The following KCNMB2 variants were observed in gnomAD, a reference collection of about 807,000 sequenced individuals.
The protein encoded by KCNMB2 is potassium calcium-activated channel subfamily M regulatory beta subunit 2, also known as calcium-activated potassium channel subunit beta-2.
A neutral mutation model predicts 24.5 loss-of-function variants in KCNMB2; 9 were observed. The ratio of observed to expected loss-of-function variants is 0.37; its 90% CI spans 0.22 to 0.64. KCNMB2 has a LOEUF of 0.64. Ranked by LOEUF, KCNMB2 falls within the 30% of genes least tolerant of loss-of-function variation. The pLI, the probability that KCNMB2 is intolerant of heterozygous loss-of-function variation, is 0.63. For synonymous variants in KCNMB2, 109 were observed against 104.4 expected (o/e 1.04, Z -0.27); for missense variants, 226 against 284.3 (o/e 0.79, Z 1.47).
intron 1 of KCNMB2, among the ~76,000 whole-genome samples, chr3:178,721,089 G>C (rs147286830): frequency 6.6e-6 from 1 of 151,942 alleles, no homozygotes; most frequent in Admixed American, 6.6e-5. Context: ...GTTTTCTTCC[G>C]GGGTTTTTAT....
At chr3:178,618,268 A>G (rs922503511) in intron 1 of KCNMB2, among the ~76,000 whole-genome samples, 1 of 152,166 alleles carries the variant, frequency 6.6e-6, no homozygotes, top group African/African-American at 2.4e-5. Context: ...TAACATTTTC[A>G]TTATCATCAT....
chr3:178,745,047 TAATAA>T (rs1199140230), intron 1 of KCNMB2, among the ~76,000 whole-genome samples: 1 of 152,202 alleles, frequency 6.6e-6, no homozygotes. Flanking sequence ...GTGGAGATAT[TAATAA>T]AATAATCCTC....
intron 2 of KCNMB2, among the ~76,000 whole-genome samples, chr3:178,821,777 C>T (rs934356590): frequency 2.2e-4 from 34 of 152,176 alleles, no homozygotes; most frequent in African/African-American, 8.0e-4. Flanking sequence ...TAAACTATAT[C>T]CTTTTTCTTA....
intron 2 of KCNMB2, among the ~76,000 whole-genome samples, chr3:178,817,111 T>C (rs1202012053): frequency 6.6e-6 from 1 of 151,358 alleles, no homozygotes; most frequent in Non-Finnish European, 1.5e-5. Context: ...GTCTTACCCA[T>C]AAGACCTGGG....
intron 2 of KCNMB2, among the ~76,000 whole-genome samples, chr3:178,812,578 C>G (rs1236628617): frequency 6.6e-6 from 1 of 151,984 alleles, no homozygotes; most frequent in African/African-American, 2.4e-5. Context: ...TCCTCCTGCA[C>G]AGTTTTCTAA....
In KCNMB2 at chr3:178,719,552, T is replaced by C. The variant is rs137893206; in HGVS notation, c.-67-87791T>C. ...TCTCCAAGTTTGATTCCTTTTTCTT[T>C]CTTTTTTTGCTTATAAAACCTGGCT... On this transcript the variant is annotated intron_variant, in intron 1 of 4. Transcript: ENST00000452583. Among the ~76,000 whole-genome samples, 706 of 152,340 alleles carry C rather than the reference T, an allele frequency of 4.6e-3. 6 individuals carry two copies. The highest frequency in any genetic ancestry group is 0.016 in the African/African-American group (680 of 41,580).
intron 1 of KCNMB2, among the ~76,000 whole-genome samples, chr3:178,764,328 G>T (rs1712030182): frequency 6.6e-6 from 1 of 151,840 alleles, no homozygotes; most frequent in African/African-American, 2.4e-5. Flanking sequence ...CCTCTTTTTT[G>T]GTCAATGATG....
At chr3:178,652,819 C>T (rs111866551) in intron 1 of KCNMB2, among the ~76,000 whole-genome samples, 9 of 149,098 alleles carry the variant, frequency 6.0e-5, no homozygotes, top group East Asian at 2.0e-4. Context: ...TGTGCCACCA[C>T]GCCTGGCCAT....
chr3:178,720,885 T>C (rs1351299105), intron 1 of KCNMB2, among the ~76,000 whole-genome samples: 1 of 151,970 alleles, frequency 6.6e-6, no homozygotes, highest in African/African-American at 2.4e-5. Context: ...ATATTAGCCC[T>C]TTGTCAGATG....
chr3:178,623,283 A>T (rs1297591455), intron 1 of KCNMB2, among the ~76,000 whole-genome samples: 1 of 152,234 alleles, frequency 6.6e-6, no homozygotes, highest in Admixed American at 6.5e-5. Flanking sequence ...ATTTATATTG[A>T]ATCTCAGTGT....
At chr3:178,773,851 A>T (rs1289880905) in intron 1 of KCNMB2, among the ~76,000 whole-genome samples, 1 of 152,220 alleles carries the variant, frequency 6.6e-6, no homozygotes, top group African/African-American at 2.4e-5. Context: ...ATATTAACTC[A>T]AAGTTGTTTT....
At chr3:178,821,429 T>C (rs73053734) in intron 2 of KCNMB2, among the ~76,000 whole-genome samples, 39,774 of 152,032 alleles carry the variant, frequency 0.26, 7,023 homozygotes, top group African/African-American at 0.51. Context: ...CCTTTACTAC[T>C]TGGACATGCA....
intron 1 of KCNMB2, among the ~76,000 whole-genome samples, chr3:178,617,837 G>C (rs1194360348): frequency 6.9e-6 from 1 of 144,520 alleles, no homozygotes; most frequent in African/African-American, 2.6e-5. Context: ...ATTGCAGCGA[G>C]CCAAGATCAC....
chr3:178,787,192 G>A (rs1436231952), intron 1 of KCNMB2, among the ~76,000 whole-genome samples: 5 of 152,080 alleles, frequency 3.3e-5, no homozygotes, highest in South Asian at 4.2e-4. Flanking sequence ...CCTTTACACC[G>A]ATTTTATCTT....
chr3:178,611,269 G>A (rs1028316423), intron 1 of KCNMB2, among the ~76,000 whole-genome samples: 4 of 152,224 alleles, frequency 2.6e-5, no homozygotes, highest in African/African-American at 9.6e-5. Context: ...GTTGCTCATA[G>A]TAGCCACTAG....
At chr3:178,643,920 A>C (rs759705524) in intron 1 of KCNMB2, among the ~76,000 whole-genome samples, 8 of 152,248 alleles carry the variant, frequency 5.3e-5, no homozygotes, top group Non-Finnish European at 1.2e-4. Flanking sequence ...TGGAACTACC[A>C]GAAGGATATA....
At chr3:178,750,351 T>C (rs1468653662) in intron 1 of KCNMB2, among the ~76,000 whole-genome samples, 2 of 152,094 alleles carry the variant, frequency 1.3e-5, no homozygotes, top group Non-Finnish European at 2.9e-5. Context: ...AGTCATTTCA[T>C]GATATTATTT....
chr3:178,578,842 C>T (rs1398058866), intron 1 of KCNMB2, among the ~76,000 whole-genome samples: 2 of 152,160 alleles, frequency 1.3e-5, no homozygotes, highest in Non-Finnish European at 2.9e-5. Flanking sequence ...AATATATATG[C>T]ACCCAATACA....
At chr3:178,738,942 T>A (rs1337308754) in intron 1 of KCNMB2, among the ~76,000 whole-genome samples, 1 of 152,090 alleles carries the variant, frequency 6.6e-6, no homozygotes, top group Non-Finnish European at 1.5e-5. Context: ...ACTGAATCAG[T>A]CTGTTTCCCA....
Sources: allele counts gnomAD v4.1 joint callset (sites outside exome capture counted in the v4.1 genomes callset), GRCh38; gene constraint gnomAD v4.1.1; transcripts MANE v1.5; gene names NCBI Gene and HGNC (gene_info 2026-07-23, HGNC 2026-07-21).